VAV3: variants seen among roughly 807,000 people sequenced by gnomAD.
The protein encoded by VAV3 is guanine nucleotide exchange factor VAV3.
A neutral mutation model predicts 131.2 loss-of-function variants in VAV3; 94 were observed. The observed-to-expected ratio is 0.72, with a 90% confidence interval of 0.61 to 0.85. The LOEUF (loss-of-function observed/expected upper bound fraction) is 0.85. Among genes scored for constraint, VAV3 ranks in the 40% least tolerant of loss-of-function variants. The pLI, the probability that VAV3 is intolerant of heterozygous loss-of-function variation, is 0.00. For synonymous variants in VAV3, 349 were observed against 342.0 expected, an observed-to-expected ratio of 1.02 and a Z score of -0.22; for missense variants, 939 against 1,002.7, an observed-to-expected ratio of 0.94 and a Z score of 0.86.
chr1:107,764,832 C>T (rs1158811491), intron 9 of VAV3, among the ~76,000 whole-genome samples: 2 of 152,180 alleles, frequency 1.3e-5, no homozygotes, highest in Non-Finnish European at 2.9e-5. Context: ...ACCTATTTCA[C>T]AGAGTCAGAA....
chr1:107,606,119 A>G (rs1652249370), intron 22 of VAV3, among the ~76,000 whole-genome samples: 1 of 152,124 alleles, frequency 6.6e-6, no homozygotes, highest in Admixed American at 6.5e-5. Context: ...CTTTTTCTAA[A>G]CATACACAGG....
intron 25 of VAV3, among the ~76,000 whole-genome samples, chr1:107,590,543 G>C (rs942302859): frequency 1.3e-5 from 2 of 152,126 alleles, no homozygotes; most frequent in African/African-American, 4.8e-5. Context: ...CTTCAATCCA[G>C]ACCACTCTCC....
At chr1:107,831,132 G>T (rs1037160851) in intron 2 of VAV3, among the ~76,000 whole-genome samples, 3 of 151,670 alleles carry the variant, frequency 2.0e-5, no homozygotes, top group Admixed American at 2.0e-4. Flanking sequence ...AAAACAGTAG[G>T]TAAATGATAG....
chr1:107,885,742 G>T (rs184546222), intron 1 of VAV3, among the ~76,000 whole-genome samples: 43 of 152,128 alleles, frequency 2.8e-4, no homozygotes, highest in African/African-American at 9.9e-4. Context: ...AAAACAACTG[G>T]CCCTACCTCA....
At chr1:107,603,242 A>C (rs1274547156) in intron 22 of VAV3, 79 bp from the exon 23 acceptor site, 2 of 1,046,142 alleles carry the variant, frequency 1.9e-6, no homozygotes, top group Non-Finnish European at 2.9e-6. Context: ...ATCTCTCAAT[A>C]TTTAATTTAG....
intron 20 of VAV3, among the ~76,000 whole-genome samples, chr1:107,639,843 A>T: frequency 6.6e-6 from 1 of 151,882 alleles, no homozygotes; most frequent in East Asian, 1.9e-4. Context: ...CTGAGATGGG[A>T]AGATGGCTTG....
At chr1:107,777,331 A>T (rs1195446238) in intron 3 of VAV3, 35 bp from the exon 4 acceptor site, 1 of 1,594,900 alleles carries the variant, frequency 6.3e-7, no homozygotes, top group South Asian at 1.1e-5. Context: ...ACAAAAAAAC[A>T]AACCCATGAG....
intron 1 of VAV3, among the ~76,000 whole-genome samples, chr1:107,912,080 T>C (rs1672396207): frequency 6.6e-6 from 1 of 152,208 alleles, no homozygotes; most frequent in Non-Finnish European, 1.5e-5. Context: ...TGTGCGTGTT[T>C]ACGTTAGTTT....
At chr1:107,606,132 G>A (rs1652250407) in intron 22 of VAV3, among the ~76,000 whole-genome samples, 1 of 152,034 alleles carries the variant, frequency 6.6e-6, no homozygotes, top group African/African-American at 2.4e-5. Context: ...TACACAGGAT[G>A]TAACACTCTA....
chr1:107,588,414 A>T (rs529828466), intron 25 of VAV3, among the ~76,000 whole-genome samples: 9 of 152,366 alleles, frequency 5.9e-5, no homozygotes, highest in Non-Finnish European at 1.2e-4. Context: ...AAATATACTT[A>T]AAATTGTCAA....
intron 24 of VAV3, among the ~76,000 whole-genome samples, chr1:107,598,953 T>C (rs984974489): frequency 6.6e-6 from 1 of 152,148 alleles, no homozygotes; most frequent in African/African-American, 2.4e-5. Context: ...AGCCATAGCT[T>C]TGAACTTCAA....
intron 19 of VAV3, chr1:107,669,575 T>C (rs1570721939): frequency 2.5e-6 from 3 of 1,187,128 alleles, no homozygotes; most frequent in East Asian, 1.3e-4. Flanking sequence ...TGGTTGTAAA[T>C]AAAGGTAGAC....
At chr1:107,705,128 A>G in intron 15 of VAV3, 67 bp from the exon 16 acceptor site, 1 of 1,230,758 alleles carries the variant, frequency 8.1e-7, no homozygotes, top group South Asian at 1.3e-5. Flanking sequence ...TAGTCATCTA[A>G]ACCCTAAATT....
chr1:107,876,610 C>T (rs1670508974), intron 1 of VAV3, among the ~76,000 whole-genome samples: 1 of 151,948 alleles, frequency 6.6e-6, no homozygotes, highest in South Asian at 2.1e-4. Flanking sequence ...CTCATCCACA[C>T]TATAACAGGG....
intron 10 of VAV3, among the ~76,000 whole-genome samples, chr1:107,758,278 G>A (rs778273296): frequency 1.3e-5 from 2 of 152,088 alleles, no homozygotes; most frequent in African/African-American, 2.4e-5. Flanking sequence ...TTTTCAAACA[G>A]ATAATTATTT....
chr1:107,827,144 T>A (rs548213410), intron 2 of VAV3, among the ~76,000 whole-genome samples: 51 of 152,302 alleles, frequency 3.3e-4, no homozygotes, highest in African/African-American at 1.2e-3. Context: ...GAACTACCTA[T>A]GACGACATTC....
At chr1:107,830,245 C>T (rs947497050) in intron 2 of VAV3, among the ~76,000 whole-genome samples, 4 of 151,550 alleles carry the variant, frequency 2.6e-5, no homozygotes, top group Non-Finnish European at 5.9e-5. Flanking sequence ...CTCTATCACC[C>T]AGGGTGGAGG....
chr1:107,838,643 C>G (rs1324601218), intron 2 of VAV3, among the ~76,000 whole-genome samples: 1 of 152,152 alleles, frequency 6.6e-6, no homozygotes, highest in Non-Finnish European at 1.5e-5. Context: ...TACCTAGAGA[C>G]ACATGCATCC....
At chr1:107,781,279 A>G (rs116691945) in intron 2 of VAV3, among the ~76,000 whole-genome samples, 1,652 of 152,298 alleles carry the variant, frequency 0.011, 11 homozygotes, top group South Asian at 0.031. Context: ...AGTAAATGTG[A>G]ATTTTTATTA....
Sources: gnomAD v4.1 joint callset for allele counts (sites outside exome capture counted in the v4.1 genomes callset) on GRCh38, gnomAD v4.1.1 for gene constraint, MANE v1.5 for transcripts, NCBI Gene and HGNC (gene_info 2026-07-23, HGNC 2026-07-21) for gene names.